Variants in SLC9A9 observed in about 807,000 individuals in gnomAD.
SLC9A9 encodes the protein sodium/hydrogen exchanger 9.
In SLC9A9, 62 loss-of-function variants were observed where a neutral mutation model predicts 77.8. The observed-to-expected ratio is 0.80, with a 90% CI of 0.65 to 0.98. The LOEUF is 0.98. Ranked by LOEUF, SLC9A9 falls within the 50% of genes least tolerant of loss-of-function variation. SLC9A9 has a pLI of 0.00. For missense variants in SLC9A9, 775 were observed against 774.9 expected (o/e 1.00, Z 0.00); for synonymous variants, 320 against 283.5 (o/e 1.13, Z -1.29).
At chr3:143,642,209 G>C (rs942170093) in intron 6 of SLC9A9, among the ~76,000 whole-genome samples, 2 of 152,198 alleles carry the variant, frequency 1.3e-5, no homozygotes, top group African/African-American at 2.4e-5. Flanking sequence ...CAGCTAAGCA[G>C]CTATTGTTGC....
intron 4 of SLC9A9, among the ~76,000 whole-genome samples, chr3:143,779,482 CTG>C (rs1560075630): frequency 8.4e-4 from 128 of 152,270 alleles, no homozygotes; most frequent in African/African-American, 3.0e-3. Flanking sequence ...AGCAATCCTC[CTG>C]CCTCAGCCTC....
chr3:143,520,643 C>T (rs2036280651), intron 9 of SLC9A9, among the ~76,000 whole-genome samples: 1 of 152,186 alleles, frequency 6.6e-6, no homozygotes, highest in Non-Finnish European at 1.5e-5. Context: ...TCATTAGCCT[C>T]ACTTTACAGA....
intron 9 of SLC9A9, among the ~76,000 whole-genome samples, chr3:143,510,358 C>T (rs1244767636): frequency 1.3e-5 from 2 of 151,996 alleles, no homozygotes; most frequent in Non-Finnish European, 2.9e-5. Context: ...AAAACATTGT[C>T]TTTATTAAAA....
At chr3:143,553,782 T>A (rs947289855) in intron 8 of SLC9A9, among the ~76,000 whole-genome samples, 1 of 152,208 alleles carries the variant, frequency 6.6e-6, no homozygotes, top group African/African-American at 2.4e-5. Context: ...ATCTATTCAG[T>A]AGGCAATTCA....
At chr3:143,598,585 A>G (rs2037796883) in intron 6 of SLC9A9, among the ~76,000 whole-genome samples, 2 of 152,244 alleles carry the variant, frequency 1.3e-5, no homozygotes, top group East Asian at 3.8e-4. Context: ...TTTGAAAAAG[A>G]CACCGTCTTC....
At chr3:143,771,317 C>T (rs942865189) in intron 4 of SLC9A9, among the ~76,000 whole-genome samples, 2 of 152,096 alleles carry the variant, frequency 1.3e-5, no homozygotes, top group Non-Finnish European at 2.9e-5. Flanking sequence ...CTTTAAGATG[C>T]AGTTATTCAT....
intron 6 of SLC9A9, among the ~76,000 whole-genome samples, chr3:143,581,058 C>G (rs2037442632): frequency 1.3e-5 from 2 of 152,162 alleles, no homozygotes; most frequent in African/African-American, 4.8e-5. Flanking sequence ...AGCTGTAGTC[C>G]CAGTGTTAAG....
chr3:143,717,657 A>G (rs1281981314), intron 4 of SLC9A9, among the ~76,000 whole-genome samples: 2 of 152,136 alleles, frequency 1.3e-5, no homozygotes, highest in Admixed American at 6.5e-5. Flanking sequence ...AAGTGATTTC[A>G]ATCTTTTACA....
chr3:143,775,014 T>C (rs2007645385), intron 4 of SLC9A9, among the ~76,000 whole-genome samples: 1 of 152,200 alleles, frequency 6.6e-6, no homozygotes, highest in Admixed American at 6.5e-5. Flanking sequence ...CCAATCCCAC[T>C]GCTGATTTTT....
At chr3:143,671,416 G>T (rs113248827) in intron 5 of SLC9A9, among the ~76,000 whole-genome samples, 4 of 152,046 alleles carry the variant, frequency 2.6e-5, no homozygotes, top group Non-Finnish European at 5.9e-5. Flanking sequence ...TTAACTTGCC[G>T]TGAAACCTTG....
intron 9 of SLC9A9, among the ~76,000 whole-genome samples, chr3:143,510,845 A>C (rs1314247057): frequency 6.6e-6 from 1 of 152,098 alleles, no homozygotes; most frequent in Non-Finnish European, 1.5e-5. Context: ...GCCCATATAC[A>C]CACTGGAATA....
chr3:143,360,307 G>C (rs1280626649), intron 14 of SLC9A9, among the ~76,000 whole-genome samples: 1 of 152,210 alleles, frequency 6.6e-6, no homozygotes, highest in Admixed American at 6.5e-5. Flanking sequence ...AGTAACATTA[G>C]TTCCATTTCT....
intron 15 of SLC9A9, 96 bp downstream of exon 15, chr3:143,268,779 G>GT: frequency 1.7e-6 from 1 of 584,912 alleles, no homozygotes. Flanking sequence ...AATCCTGCAA[G>GT]TAGCAGGCTT....
chr3:143,822,684 T>C (rs1472720267), intron 2 of SLC9A9, among the ~76,000 whole-genome samples: 1 of 152,190 alleles, frequency 6.6e-6, no homozygotes, highest in Non-Finnish European at 1.5e-5. Context: ...AGACCAGCAA[T>C]GATAAATGTG....
At chr3:143,718,837 A>C (rs190937684) in intron 4 of SLC9A9, among the ~76,000 whole-genome samples, 1 of 152,230 alleles carries the variant, frequency 6.6e-6, no homozygotes, top group Admixed American at 6.5e-5. Context: ...GTGACAATTG[A>C]ATATAAGGTA....
intron 6 of SLC9A9, among the ~76,000 whole-genome samples, chr3:143,583,072 G>A (rs937614063): frequency 2.6e-5 from 4 of 152,132 alleles, no homozygotes; most frequent in Non-Finnish European, 5.9e-5. Flanking sequence ...ACGGTTGCTT[G>A]AGCAGGGAAG....
chr3:143,799,052 C>T (rs2008473224), intron 2 of SLC9A9, among the ~76,000 whole-genome samples: 1 of 152,150 alleles, frequency 6.6e-6, no homozygotes, highest in Non-Finnish European at 1.5e-5. Flanking sequence ...CACGACTAGT[C>T]CTCCCCCACC....
At position 143,345,110 on chromosome 3, in the gene SLC9A9, A is replaced by T. The variant is rs547607907; in HGVS notation, c.1604+18374T>A. Among the ~76,000 whole-genome samples, 3 of 152,340 alleles carry T rather than the reference A, an allele frequency of 2.0e-5. No individual in the cohort carries two copies. In the East Asian group the frequency reaches 5.8e-4, roughly 29 times the overall value. On this transcript the variant is annotated intron_variant, in intron 14 of 15. Transcript: ENST00000316549. ...AACTCCTGAGTTTGGTTTTGGATAT[A>T]ATGACTGTGTCTTTGAGTCATACAA... is the stretch of plus-strand genomic sequence containing the variant.
At chr3:143,375,683 T>A (rs576799861) in intron 13 of SLC9A9, among the ~76,000 whole-genome samples, 29 of 152,320 alleles carry the variant, frequency 1.9e-4, no homozygotes, top group African/African-American at 5.1e-4. Context: ...TCTAGCAAAT[T>A]GTAGCTGACC....
Sources: gnomAD v4.1 joint callset for allele counts (sites outside exome capture counted in the v4.1 genomes callset) on GRCh38, gnomAD v4.1.1 for gene constraint, MANE v1.5 for transcripts, NCBI Gene and HGNC (gene_info 2026-07-23, HGNC 2026-07-21) for gene names.